STK3: variants seen among roughly 807,000 people sequenced by gnomAD.
STK3 encodes serine/threonine-protein kinase 3.
STK3 carries 41 observed loss-of-function variants against 58.0 expected under a neutral mutation model. The ratio of observed to expected loss-of-function variants is 0.71; its 90% confidence interval spans 0.55 to 0.92. STK3 has a LOEUF of 0.92. STK3 is among the 40% of genes least tolerant of loss of function. The probability of loss-of-function intolerance (pLI) is 0.00; values close to 1 mark genes in which losing one functional copy is unlikely to be tolerated. For missense variants in STK3, 479 were observed against 602.7 expected (o/e 0.79, Z 2.15); for synonymous variants, 170 against 191.0 (o/e 0.89, Z 0.91).
intron 1 of STK3, among the ~76,000 whole-genome samples, chr8:98,442,919 A>G (rs1818750808): frequency 6.6e-6 from 1 of 151,966 alleles, no homozygotes; most frequent in East Asian, 1.9e-4. Flanking sequence ...ATATCCCTCA[A>G]TATTCACACA....
intron 1 of STK3, among the ~76,000 whole-genome samples, chr8:98,903,647 C>A (rs1838772044): frequency 6.6e-6 from 1 of 151,392 alleles, no homozygotes; most frequent in African/African-American, 2.4e-5. Flanking sequence ...TCAAGTGATC[C>A]TCTAGCCTCA....
chr8:98,594,666 T>C (rs1206403241), intron 7 of STK3, among the ~76,000 whole-genome samples: 1 of 152,184 alleles, frequency 6.6e-6, no homozygotes, highest in Non-Finnish European at 1.5e-5. Context: ...TACATATATA[T>C]TTCAAATGAA....
chr8:98,821,822 G>A (rs1229508586), intron 1 of STK3, among the ~76,000 whole-genome samples: 6 of 152,102 alleles, frequency 3.9e-5, no homozygotes, highest in Non-Finnish European at 8.8e-5. Context: ...ACCTTGTTAA[G>A]GAGACCAAAT....
intron 1 of STK3, among the ~76,000 whole-genome samples, chr8:98,383,486 T>C (rs1404002626): frequency 6.6e-6 from 1 of 152,250 alleles, no homozygotes; most frequent in Admixed American, 6.5e-5. Flanking sequence ...GAGCTGATTT[T>C]GCCTCTTGTG....
At chr8:98,935,192 A>G (rs1840153346) in intron 1 of STK3, among the ~76,000 whole-genome samples, 2 of 152,208 alleles carry the variant, frequency 1.3e-5, no homozygotes, top group Admixed American at 6.5e-5. Context: ...GCCCTCCTTC[A>G]TGCCTTCCTT....
intron 4 of STK3, among the ~76,000 whole-genome samples, chr8:98,735,235 G>A (rs1828490222): frequency 6.6e-6 from 1 of 152,086 alleles, no homozygotes; most frequent in South Asian, 2.1e-4. Context: ...AAGGCTTGTA[G>A]GTGCCAAAAG....
At chr8:98,344,583 G>A in the STK3 span, among the ~76,000 whole-genome samples, 1 of 152,070 alleles carries the variant, frequency 6.6e-6, no homozygotes, top group Non-Finnish European at 1.5e-5. Context: ...TGGAGCACAG[G>A]AGCCATGAGT....
At chr8:98,846,174 G>T (rs1836192147) in intron 3 of STK3, among the ~76,000 whole-genome samples, 2 of 152,160 alleles carry the variant, frequency 1.3e-5, no homozygotes, top group Non-Finnish European at 2.9e-5. Flanking sequence ...CACTGCAAAG[G>T]TCTATGGGTA....
chr8:98,410,096 G>A (rs577914565), intron 3 of STK3, among the ~76,000 whole-genome samples: 122 of 152,324 alleles, frequency 8.0e-4, no homozygotes, highest in African/African-American at 2.9e-3. Flanking sequence ...CAAGGATCTA[G>A]AGATAATGGA....
chr8:98,475,880 C>T (rs886303877), intron 10 of STK3, among the ~76,000 whole-genome samples: 3 of 152,210 alleles, frequency 2.0e-5, no homozygotes, highest in African/African-American at 4.8e-5. Flanking sequence ...ACCTTCTCAG[C>T]TCACCCACAA....
intron 4 of STK3, among the ~76,000 whole-genome samples, chr8:98,731,270 A>T (rs1350176042): frequency 6.6e-6 from 1 of 152,188 alleles, no homozygotes; most frequent in Non-Finnish European, 1.5e-5. Context: ...CAAGAGGGAA[A>T]GGGAGTTCAC....
At chr8:98,866,270 C>T (rs1182185559) in intron 3 of STK3, among the ~76,000 whole-genome samples, 3 of 152,270 alleles carry the variant, frequency 2.0e-5, no homozygotes, top group African/African-American at 2.4e-5. Flanking sequence ...AATAAACATT[C>T]GCTGAAAGCC....
chr8:98,856,480 A>G (rs1836689427), intron 3 of STK3, among the ~76,000 whole-genome samples: 1 of 152,234 alleles, frequency 6.6e-6, no homozygotes, highest in African/African-American at 2.4e-5. Flanking sequence ...GTCATCAAGG[A>G]GACGCAAACT....
At chr8:98,440,632 T>C (rs1461958944) in intron 1 of STK3, among the ~76,000 whole-genome samples, 5 of 152,102 alleles carry the variant, frequency 3.3e-5, no homozygotes, top group Admixed American at 3.3e-4. Flanking sequence ...TAAATCTTCA[T>C]TAAAATTCTA....
chr8:98,551,846 C>T (rs879439110), intron 8 of STK3, among the ~76,000 whole-genome samples: 11 of 152,028 alleles, frequency 7.2e-5, no homozygotes, highest in Non-Finnish European at 1.2e-4. Context: ...TAGGTTGACA[C>T]GTTCAATACA....
chr8:98,806,458 G>A (rs1161660038), intron 1 of STK3, among the ~76,000 whole-genome samples: 1 of 152,084 alleles, frequency 6.6e-6, no homozygotes, highest in East Asian at 1.9e-4. Flanking sequence ...TGGCCAATGG[G>A]GATATTCCAA....
chr8:98,633,160 G>C (rs907878036), intron 6 of STK3, among the ~76,000 whole-genome samples: 1 of 152,078 alleles, frequency 6.6e-6, no homozygotes, highest in African/African-American at 2.4e-5. Flanking sequence ...TCCCAAGATA[G>C]AATGTGTAGA....
chr8:98,813,238 C>G (rs1834341610), intron 1 of STK3, among the ~76,000 whole-genome samples: 2 of 152,236 alleles, frequency 1.3e-5, no homozygotes, highest in South Asian at 4.1e-4. Context: ...AATAACTTGC[C>G]CACCACTGCA....
In STK3 at chr8:98,457,685, C is replaced by T. The variant is rs116453439; in HGVS notation, c.1318-1685G>A. Among the ~76,000 whole-genome samples the T allele has an allele frequency of 3.5e-3, 538 of 152,066 alleles. 3 individuals are homozygous for T. Among genetic ancestry groups the T allele is most frequent in the African/African-American group, 0.012 (509 of 41,484 alleles). On this transcript the variant is annotated intron_variant, in intron 10 of 10. Transcript: ENST00000419617. The stretch of plus-strand genomic sequence containing the variant: ...TCCTACTATACTGCAAATAACATGA[C>T]GTAAACGTAGATAGATAAATATGAA...
Sources: allele counts gnomAD v4.1 joint callset (sites outside exome capture counted in the v4.1 genomes callset), GRCh38; gene constraint gnomAD v4.1.1; transcripts MANE v1.5; gene names NCBI Gene and HGNC (gene_info 2026-07-23, HGNC 2026-07-21).